Variants in ERG observed in about 807,000 individuals in gnomAD.
The protein encoded by ERG is ETS transcription factor ERG.
ERG carries 9 observed loss-of-function variants against 55.3 expected under a neutral mutation model. The ratio of observed to expected loss-of-function variants is 0.16; its 90% confidence interval spans 0.10 to 0.28. The LOEUF (loss-of-function observed/expected upper bound fraction) is 0.28. Ranked by LOEUF, ERG falls within the 10% of genes least tolerant of loss-of-function variation. The probability of loss-of-function intolerance (pLI) is 1.00; values close to 1 mark genes in which losing one functional copy is unlikely to be tolerated. For synonymous variants in ERG, 223 were observed against 237.3 expected, an observed-to-expected ratio of 0.94 and a Z score of 0.55; for missense variants, 434 against 631.6, an observed-to-expected ratio of 0.69 and a Z score of 3.35.
chr21:38,374,191 C>T, the ERG span, among the ~76,000 whole-genome samples: 6 of 152,236 alleles, frequency 3.9e-5, no homozygotes, highest in Non-Finnish European at 7.3e-5. Flanking sequence ...ATACCACAGG[C>T]TGTGGGCGTC....
intron 1 of ERG, among the ~76,000 whole-genome samples, chr21:38,576,922 C>T (rs937584702): frequency 2.0e-5 from 3 of 152,204 alleles, no homozygotes; most frequent in African/African-American, 4.8e-5. Flanking sequence ...GTACCTGGTC[C>T]CCAGCCAGTC....
rs758654797 is a variant in ERG at position 38,445,659 on chromosome 21, AACAG to A, written c.19-42_19-39del. 15 of 1,543,802 alleles carry A rather than the reference AACAG, an allele frequency of 9.7e-6. No individual in the cohort carries two copies. In the East Asian group the frequency reaches 2.9e-4, roughly 30 times the overall value. Reference sequence around the variant, plus strand: ...AGAAACACATAATTCAAGACACTCCAACAGACAGTCATGTTTCAAAAAGTTGTTG... The same window carrying A: ...AGAAACACATAATTCAAGACACTCCAACAGTCATGTTTCAAAAAGTTGTTG... On this transcript the variant is annotated intron_variant, in intron 1 of 9. Transcript: ENST00000288319.
intron 1 of ERG, among the ~76,000 whole-genome samples, chr21:38,633,720 T>C (rs1000250095): frequency 6.6e-6 from 1 of 152,134 alleles, no homozygotes; most frequent in Non-Finnish European, 1.5e-5. Flanking sequence ...AGGATGAAAA[T>C]AAAAAGTAGA....
intron 2 of ERG, among the ~76,000 whole-genome samples, chr21:38,431,568 C>A (rs753665912): frequency 1.3e-5 from 2 of 152,076 alleles, no homozygotes; most frequent in African/African-American, 4.8e-5. Context: ...ATGAAAGCAG[C>A]CCACTGAGTA....
In ERG at chr21:38,380,393, G is replaced by A; in HGVS notation, c.*3010C>T. 2 of 1,062,020 alleles carry A rather than the reference G, an allele frequency of 1.9e-6. No homozygotes were observed. Among genetic ancestry groups the A allele is most frequent in the Non-Finnish European group, 2.3e-6 (2 of 877,290 alleles). 65.8% of individuals were successfully genotyped at this position (1,062,020 alleles called of 1,614,324 possible). A position where few individuals can be genotyped will look rare whatever the true frequency, so the allele number is the denominator to read the frequency against. On this transcript the variant is annotated 3_prime_UTR_variant, in exon 10 of 10. Transcript: ENST00000288319. ...TTTGTGAACCCCTCCGGGACATAAG[G>A]GCATCAAACTAGGAACAAAAACACA...
chr21:38,516,889 G>T (rs1387877874), intron 2 of ERG, among the ~76,000 whole-genome samples: 1 of 152,044 alleles, frequency 6.6e-6, no homozygotes, highest in Non-Finnish European at 1.5e-5. Context: ...TCAATAAATG[G>T]TGCTGGAATA....
intron 2 of ERG, among the ~76,000 whole-genome samples, chr21:38,538,807 G>A (rs1011609551): frequency 4.6e-5 from 7 of 151,952 alleles, no homozygotes; most frequent in African/African-American, 1.2e-4. Context: ...CTCCATGGTT[G>A]ACTAGCACAT....
In ERG at chr21:38,639,587, C is replaced by A. The variant is rs1290188050; in HGVS notation, c.-150+22071G>T. 2.6e-5 allele frequency among the ~76,000 whole-genome samples: 4 copies of A among 152,108 alleles called. No homozygotes were observed. The East Asian group carries it at 7.7e-4, about 29-fold the overall frequency. ...AACTGAAGAGGCCCACTGAGTACCC[C>A]ACATAATAAAAGGAAGAAGACCCTA... On this transcript the variant is annotated intron_variant, in intron 1 of 10. Transcript: ENST00000398910.
At chr21:38,411,938 G>C (rs1989076599) in intron 3 of ERG, among the ~76,000 whole-genome samples, 1 of 152,118 alleles carries the variant, frequency 6.6e-6, no homozygotes, top group Non-Finnish European at 1.5e-5. Flanking sequence ...TTTTCACTAT[G>C]TAATGACCCT....
intron 2 of ERG, among the ~76,000 whole-genome samples, chr21:38,531,532 A>T (rs2059672190): frequency 6.6e-6 from 1 of 152,208 alleles, no homozygotes; most frequent in Non-Finnish European, 1.5e-5. Flanking sequence ...GCTCTTCCTT[A>T]ACTGGTAAAA....
intron 1 of ERG, among the ~76,000 whole-genome samples, chr21:38,648,369 A>T (rs182045062): frequency 1.1e-4 from 17 of 152,350 alleles, no homozygotes; most frequent in Admixed American, 1.1e-3. Context: ...CTGGAGAAAG[A>T]AATGGAGGCA....
the ERG span, chr21:38,367,517 A>G: frequency 2.3e-6 from 1 of 441,420 alleles, no homozygotes; most frequent in South Asian, 2.0e-5. Flanking sequence ...TCTTCATGAC[A>G]TGGCAGTCTC....
intron 1 of ERG, among the ~76,000 whole-genome samples, chr21:38,618,268 C>CAGAT (rs1210726938): frequency 1.4e-5 from 2 of 144,622 alleles, no homozygotes; most frequent in East Asian, 4.3e-4. Context: ...TGAAACAGGG[C>CAGAT]AGATGATCAT....
At chr21:38,437,151 A>T (rs1020729788) in intron 2 of ERG, among the ~76,000 whole-genome samples, 4 of 152,184 alleles carry the variant, frequency 2.6e-5, no homozygotes, top group Non-Finnish European at 5.9e-5. Flanking sequence ...AGCCTCCCAA[A>T]GTGCTGGGAT....
At chr21:38,376,386 G>A (rs748585844), downstream of ERG, among the ~76,000 whole-genome samples, 24 of 152,262 alleles carry the variant, frequency 1.6e-4, no homozygotes, top group Non-Finnish European at 2.9e-4. Context: ...CACCACTTCC[G>A]CTCTCTTTCA....
chr21:38,602,581 C>T (rs775205986), intron 1 of ERG, among the ~76,000 whole-genome samples: 1 of 152,012 alleles, frequency 6.6e-6, no homozygotes, highest in African/African-American at 2.4e-5. Flanking sequence ...GCAACTGGTG[C>T]ATTTACAGCA....
At chr21:38,444,670 G>T (rs1450818143) in intron 2 of ERG, among the ~76,000 whole-genome samples, 1 of 150,728 alleles carries the variant, frequency 6.6e-6, no homozygotes, top group African/African-American at 2.4e-5. Context: ...CAAACTCAGG[G>T]AAGCTAATAA....
At chr21:38,458,999 T>C (rs1010389702) in intron 1 of ERG, among the ~76,000 whole-genome samples, 5 of 152,172 alleles carry the variant, frequency 3.3e-5, no homozygotes, top group African/African-American at 9.7e-5. Flanking sequence ...GCTTCCATAT[T>C]CCTGCTATTC....
At chr21:38,578,262 T>C (rs1361867766) in intron 1 of ERG, among the ~76,000 whole-genome samples, 1 of 152,212 alleles carries the variant, frequency 6.6e-6, no homozygotes, top group Non-Finnish European at 1.5e-5. Context: ...TGGGGTAGTT[T>C]ATTACACACA....
Sources: allele counts gnomAD v4.1 joint callset (sites outside exome capture counted in the v4.1 genomes callset), GRCh38; gene constraint gnomAD v4.1.1; transcripts MANE v1.5; gene names NCBI Gene and HGNC (gene_info 2026-07-23, HGNC 2026-07-21).